The following TTC28 variants were observed in gnomAD, a reference collection of about 807,000 sequenced individuals.
TTC28 encodes the protein tetratricopeptide repeat domain 28, also known as tetratricopeptide repeat protein 28.
In TTC28, 61 loss-of-function variants were observed where a neutral mutation model predicts 198.0. The observed-to-expected ratio is 0.31, with a 90% confidence interval of 0.25 to 0.38. The LOEUF is 0.38. Among genes scored for constraint, TTC28 ranks in the 10% least tolerant of loss-of-function variants. TTC28 has a pLI of 1.00. For missense variants in TTC28, 2,678 were observed against 3,164.0 expected (o/e 0.85, Z 3.69); for synonymous variants, 1,171 against 1,297.8 (o/e 0.90, Z 2.10).
At chr22:28,185,280 C>A (rs1924085502) in intron 5 of TTC28, among the ~76,000 whole-genome samples, 1 of 152,016 alleles carries the variant, frequency 6.6e-6, no homozygotes, top group Non-Finnish European at 1.5e-5. Context: ...CAGATCTGCT[C>A]TTGTTCTTCT....
chr22:28,539,246 G>A lies in TTC28; in HGVS notation c.381+90306C>T, dbSNP rs575144474. 8.7e-4 allele frequency among the ~76,000 whole-genome samples: 133 copies of A among 152,222 alleles called. 1 individual carries two copies. In the South Asian group the frequency reaches 0.027, roughly 31 times the overall value. ...AGAGGAAGGCGGGGGCTGACAGGCTGGGGGGTAGATTTGAACTGGATGAGC... is the reference window on the plus strand; with the variant it reads ...AGAGGAAGGCGGGGGCTGACAGGCTAGGGGGTAGATTTGAACTGGATGAGC... On this transcript the variant is annotated intron_variant, in intron 2 of 22. Coordinates refer to ENST00000397906, the MANE Select transcript of TTC28 (RefSeq NM_001145418.2).
chr22:27,996,114 C>T (rs1330841958), intron 17 of TTC28, 21 bp downstream of exon 17: 1 of 1,542,424 alleles, frequency 6.5e-7, no homozygotes. Flanking sequence ...TCGTTGAGTG[C>T]AGGGTGCCCG....
intron 5 of TTC28, among the ~76,000 whole-genome samples, chr22:28,190,890 A>G (rs569653560): frequency 2.0e-5 from 3 of 152,204 alleles, no homozygotes; most frequent in African/African-American, 7.2e-5. Context: ...TCTCACCTGC[A>G]TAACAGCCTC....
intron 2 of TTC28, among the ~76,000 whole-genome samples, chr22:28,536,908 T>C (rs1328575402): frequency 2.0e-5 from 3 of 151,624 alleles, no homozygotes; most frequent in East Asian, 3.9e-4. Flanking sequence ...TATAGTTACA[T>C]ATTGTAACTA....
intron 1 of TTC28, among the ~76,000 whole-genome samples, chr22:28,631,165 C>T (rs553990725): frequency 6.6e-6 from 1 of 152,076 alleles, no homozygotes; most frequent in Non-Finnish European, 1.5e-5. Flanking sequence ...AGAACAAAAT[C>T]AAAATATTAA....
chr22:28,251,988 G>A (rs999914058), intron 5 of TTC28, among the ~76,000 whole-genome samples: 11 of 152,136 alleles, frequency 7.2e-5, no homozygotes, highest in African/African-American at 2.4e-4. Flanking sequence ...AGGAAATTAA[G>A]TTGTATTATA....
intron 5 of TTC28, among the ~76,000 whole-genome samples, chr22:28,225,368 AAAGAAGAAGAAGAAGAAG>A (rs148306183): frequency 2.0e-4 from 28 of 143,172 alleles, no homozygotes; most frequent in Non-Finnish European, 4.0e-4. Flanking sequence ...AAAAAAAAGA[AAAGAAGAAGAAGAAGAAG>A]AAGAAGAAGA....
At chr22:28,141,442 A>G (rs937693368) in intron 6 of TTC28, among the ~76,000 whole-genome samples, 1 of 152,184 alleles carries the variant, frequency 6.6e-6, no homozygotes, top group Non-Finnish European at 1.5e-5. Flanking sequence ...AAACGAATAA[A>G]AGACCCTAAA....
intron 2 of TTC28, among the ~76,000 whole-genome samples, chr22:28,561,208 G>A (rs1393966562): frequency 6.6e-6 from 1 of 151,632 alleles, no homozygotes; most frequent in Non-Finnish European, 1.5e-5. Context: ...AGAGTAGCTG[G>A]GACTACAGGC....
intron 2 of TTC28, among the ~76,000 whole-genome samples, chr22:28,410,128 G>C (rs1008362882): frequency 6.6e-6 from 1 of 152,092 alleles, no homozygotes; most frequent in Non-Finnish European, 1.5e-5. Context: ...CACCATGTTG[G>C]CCAGACTGGT....
At chr22:28,135,069 T>C (rs1362661840) in intron 6 of TTC28, among the ~76,000 whole-genome samples, 1 of 152,228 alleles carries the variant, frequency 6.6e-6, no homozygotes, top group Non-Finnish European at 1.5e-5. Flanking sequence ...TGATTTTCTA[T>C]TGAAACCTAG....
At chr22:28,605,151 A>C (rs531743685) in intron 2 of TTC28, among the ~76,000 whole-genome samples, 33 of 152,328 alleles carry the variant, frequency 2.2e-4, no homozygotes, top group Non-Finnish European at 4.3e-4. Context: ...CTTCCTAAGG[A>C]CACAGCATCC....
At chr22:28,441,996 C>T (rs1291113585) in intron 2 of TTC28, among the ~76,000 whole-genome samples, 1 of 151,976 alleles carries the variant, frequency 6.6e-6, no homozygotes, top group Non-Finnish European at 1.5e-5. Context: ...AAATGTACAG[C>T]GGCCAACAAC....
At chr22:28,179,705 T>C (rs1276185148) in intron 5 of TTC28, among the ~76,000 whole-genome samples, 1 of 152,244 alleles carries the variant, frequency 6.6e-6, no homozygotes, top group Non-Finnish European at 1.5e-5. Flanking sequence ...AATAGATCCC[T>C]GGCTGATCTG....
intron 2 of TTC28, among the ~76,000 whole-genome samples, chr22:28,599,664 G>A (rs1456150195): frequency 2.0e-5 from 3 of 152,122 alleles, no homozygotes; most frequent in African/African-American, 7.2e-5. Flanking sequence ...CTTAGTCCAT[G>A]AGGGGTCCAA....
At chr22:28,530,560 G>A (rs1006530195) in intron 2 of TTC28, among the ~76,000 whole-genome samples, 15 of 152,020 alleles carry the variant, frequency 9.9e-5, no homozygotes, top group South Asian at 4.2e-4. Flanking sequence ...TACAGAGAAC[G>A]CCACAAAGAT....
intron 5 of TTC28, among the ~76,000 whole-genome samples, chr22:28,251,962 A>C (rs1309944634): frequency 6.6e-6 from 1 of 152,218 alleles, no homozygotes; most frequent in Non-Finnish European, 1.5e-5. Flanking sequence ...CATTCAGCTA[A>C]TAATTTTTTT....
At chr22:28,536,674 AAT>A (rs1307728131) in intron 2 of TTC28, among the ~76,000 whole-genome samples, 2 of 152,226 alleles carry the variant, frequency 1.3e-5, no homozygotes, top group African/African-American at 4.8e-5. Flanking sequence ...GAATAAATGT[AAT>A]AGTCTGTCCT....
intron 2 of TTC28, among the ~76,000 whole-genome samples, chr22:28,356,534 CT>C (rs1335941117): frequency 6.6e-6 from 1 of 152,202 alleles, no homozygotes; most frequent in East Asian, 1.9e-4. Flanking sequence ...ACAAGTTATA[CT>C]TTTTAAAAAA....
Sources: gnomAD v4.1 joint callset for allele counts (sites outside exome capture counted in the v4.1 genomes callset) on GRCh38, gnomAD v4.1.1 for gene constraint, MANE v1.5 for transcripts, NCBI Gene and HGNC (gene_info 2026-07-23, HGNC 2026-07-21) for gene names.